HEMK2: variants seen among roughly 807,000 people sequenced by gnomAD.
HEMK2 encodes the protein methyltransferase HEMK2.
chr21:28,788,063 G>T, the HEMK2 span, among the ~76,000 whole-genome samples: 2 of 151,362 alleles, frequency 1.3e-5, no homozygotes, highest in African/African-American at 4.9e-5. Context: ...AAATAGCGTG[G>T]CACTGGTATA....
chr21:28,701,559 TACACACACACACAC>T, the HEMK2 span, among the ~76,000 whole-genome samples: 8 of 45,746 alleles, frequency 1.7e-4, no homozygotes, highest in African/African-American at 1.1e-3. Flanking sequence ...CACACACACA[TACACACACACACAC>T]ACACACACAC....
At chr21:28,860,982 T>A in the HEMK2 span, among the ~76,000 whole-genome samples, 1 of 152,194 alleles carries the variant, frequency 6.6e-6, no homozygotes, top group African/African-American at 2.4e-5. Context: ...GAAAAAGGGA[T>A]CCAAAGGCTT....
the HEMK2 span, among the ~76,000 whole-genome samples, chr21:28,578,643 C>T: frequency 1.3e-5 from 2 of 152,108 alleles, no homozygotes; most frequent in South Asian, 2.1e-4. Flanking sequence ...AATTATCATA[C>T]GGACTGGCAG....
chr21:28,736,719 C>T, the HEMK2 span, among the ~76,000 whole-genome samples: 2 of 151,624 alleles, frequency 1.3e-5, no homozygotes, highest in Admixed American at 6.6e-5. Context: ...GAGTTGATAT[C>T]GTGTCACTGC....
the HEMK2 span, among the ~76,000 whole-genome samples, chr21:28,785,611 G>A: frequency 6.6e-6 from 1 of 152,160 alleles, no homozygotes; most frequent in Non-Finnish European, 1.5e-5. Flanking sequence ...GAAAAGGTGC[G>A]CATTTCTGCT....
chr21:28,816,850 C>T, the HEMK2 span, among the ~76,000 whole-genome samples: 1 of 152,290 alleles, frequency 6.6e-6, no homozygotes, highest in East Asian at 1.9e-4. Flanking sequence ...TCAGCAGCTG[C>T]CTGGTAAGTG....
chr21:28,789,647 T>A, the HEMK2 span, among the ~76,000 whole-genome samples: 2 of 152,158 alleles, frequency 1.3e-5, no homozygotes, highest in Admixed American at 1.3e-4. Flanking sequence ...TACTTAAAGT[T>A]TGACACAAAA....
the HEMK2 span, among the ~76,000 whole-genome samples, chr21:28,751,436 G>C: frequency 6.6e-6 from 1 of 152,106 alleles, no homozygotes; most frequent in African/African-American, 2.4e-5. Context: ...GTTGAGCTTA[G>C]AATTTAAACA....
At chr21:28,787,968 T>C in the HEMK2 span, among the ~76,000 whole-genome samples, 1 of 151,880 alleles carries the variant, frequency 6.6e-6, no homozygotes, top group Non-Finnish European at 1.5e-5. Flanking sequence ...CAAATGCCCA[T>C]CAATCAATGA....
chr21:28,832,071 A>C, the HEMK2 span, among the ~76,000 whole-genome samples: 2 of 152,210 alleles, frequency 1.3e-5, no homozygotes, highest in Non-Finnish European at 2.9e-5. Context: ...AAGCACCATT[A>C]CTGTACATAA....
chr21:28,741,554 C>T, the HEMK2 span, among the ~76,000 whole-genome samples: 2 of 137,984 alleles, frequency 1.4e-5, no homozygotes, highest in Admixed American at 1.5e-4. Context: ...TCCTGCCACC[C>T]ACAACCCTCC....
the HEMK2 span, among the ~76,000 whole-genome samples, chr21:28,767,024 G>A: frequency 6.6e-6 from 1 of 152,064 alleles, no homozygotes; most frequent in Non-Finnish European, 1.5e-5. Flanking sequence ...TGTTGTGGGA[G>A]GGACCTGATG....
chr21:28,746,687 A>C, the HEMK2 span, among the ~76,000 whole-genome samples: 1 of 145,390 alleles, frequency 6.9e-6, no homozygotes, highest in East Asian at 2.0e-4. Flanking sequence ...AAAAAAAAAA[A>C]CTATATGATG....
At chr21:28,851,550 T>A in the HEMK2 span, among the ~76,000 whole-genome samples, 1 of 152,186 alleles carries the variant, frequency 6.6e-6, no homozygotes, top group African/African-American at 2.4e-5. Flanking sequence ...TTAGAAGGAA[T>A]ATCTCGACAG....
At chr21:28,849,660 C>T in the HEMK2 span, among the ~76,000 whole-genome samples, 1 of 151,986 alleles carries the variant, frequency 6.6e-6, no homozygotes, top group Non-Finnish European at 1.5e-5. Flanking sequence ...CACGAAATCG[C>T]CATTTTAAGA....
the HEMK2 span, among the ~76,000 whole-genome samples, chr21:28,830,313 G>A: frequency 8.4e-3 from 1,285 of 152,120 alleles, 11 homozygotes; most frequent in African/African-American, 0.03. Context: ...AAGTTCTCAC[G>A]AGATCTGATA....
At chr21:28,831,146 CA>C in the HEMK2 span, among the ~76,000 whole-genome samples, 3 of 151,698 alleles carry the variant, frequency 2.0e-5, no homozygotes, top group Non-Finnish European at 4.4e-5. Flanking sequence ...TTAAAACTCA[CA>C]AAAAAGAACA....
At chr21:28,857,372 A>T in the HEMK2 span, among the ~76,000 whole-genome samples, 1 of 152,216 alleles carries the variant, frequency 6.6e-6, no homozygotes, top group Non-Finnish European at 1.5e-5. Context: ...AACATATACA[A>T]GAAAGATTCT....
At chr21:28,661,004 C>A in the HEMK2 span, among the ~76,000 whole-genome samples, 2 of 151,994 alleles carry the variant, frequency 1.3e-5, no homozygotes, top group African/African-American at 4.8e-5. Flanking sequence ...TTCTAAATTT[C>A]CAAGTTTATT....
Sources: gnomAD v4.1 joint callset for allele counts (sites outside exome capture counted in the v4.1 genomes callset) on GRCh38, gnomAD v4.1.1 for gene constraint, MANE v1.5 for transcripts, NCBI Gene and HGNC (gene_info 2026-07-23, HGNC 2026-07-21) for gene names.